SLC24A3: variants seen among roughly 807,000 people sequenced by gnomAD.
SLC24A3 encodes sodium/potassium/calcium exchanger 3.
Under a neutral mutation model 75.8 loss-of-function variants are expected in SLC24A3, and 28 were observed. The ratio of observed to expected loss-of-function variants is 0.37; its 90% CI spans 0.27 to 0.51. The LOEUF (loss-of-function observed/expected upper bound fraction) is 0.51. Ranked by LOEUF, SLC24A3 falls within the 20% of genes least tolerant of loss-of-function variation. The probability of loss-of-function intolerance (pLI) is 0.94; values close to 1 mark genes in which losing one functional copy is unlikely to be tolerated. For missense variants in SLC24A3, 663 were observed against 847.8 expected, an observed-to-expected ratio of 0.78 and a Z score of 2.71; for synonymous variants, 372 against 334.1, an observed-to-expected ratio of 1.11 and a Z score of -1.24.
chr20:19,507,921 C>G (rs1279903033), intron 2 of SLC24A3, among the ~76,000 whole-genome samples: 1 of 152,176 alleles, frequency 6.6e-6, no homozygotes, highest in Non-Finnish European at 1.5e-5. Flanking sequence ...GTATCCCAGC[C>G]TGGTGGGTGC....
At chr20:19,298,350 T>A (rs142026656) in intron 2 of SLC24A3, among the ~76,000 whole-genome samples, 66 of 152,354 alleles carry the variant, frequency 4.3e-4, no homozygotes, top group African/African-American at 1.3e-3. Flanking sequence ...GATTCTTTTT[T>A]ATGTGTTGGT....
At chr20:19,500,024 A>G (rs1988362031) in intron 2 of SLC24A3, among the ~76,000 whole-genome samples, 1 of 152,140 alleles carries the variant, frequency 6.6e-6, no homozygotes, top group South Asian at 2.1e-4. Context: ...GAAGAACGAC[A>G]TGGTGGATGT....
At chr20:19,576,360 T>C (rs1413774939) in intron 3 of SLC24A3, among the ~76,000 whole-genome samples, 15 of 152,218 alleles carry the variant, frequency 9.9e-5, no homozygotes, top group Admixed American at 4.6e-4. Context: ...AATTTGACTT[T>C]GAACCTTTGT....
In SLC24A3 at chr20:19,621,699, T is replaced by C. The variant is rs542859169; in HGVS notation, c.613-32363T>C. ...GGATGGGGCCTGAGATTCTGCATGG[T>C]TCCAGGTATGGCAGCTCCTGGGTTC... On this transcript the variant is annotated intron_variant, in intron 6 of 16. Coordinates refer to ENST00000328041, the MANE Select transcript of SLC24A3 (RefSeq NM_020689.4). Among the ~76,000 whole-genome samples, 9 of 152,320 alleles carry C rather than the reference T, an allele frequency of 5.9e-5. No homozygotes were observed. In the South Asian group the frequency reaches 1.9e-3, roughly 32 times the overall value.
At chr20:19,265,329 A>T (rs1258784576) in intron 1 of SLC24A3, among the ~76,000 whole-genome samples, 1 of 152,190 alleles carries the variant, frequency 6.6e-6, no homozygotes, top group African/African-American at 2.4e-5. Flanking sequence ...TTAGAGCTTT[A>T]TTACTGTGAT....
At chr20:19,252,717 C>CT (rs1253980736) in intron 1 of SLC24A3, among the ~76,000 whole-genome samples, 3 of 150,310 alleles carry the variant, frequency 2.0e-5, no homozygotes, top group Non-Finnish European at 4.4e-5. Flanking sequence ...TTGTATGTGA[C>CT]TTTGTCTCAC....
rs149363088 is a variant in SLC24A3, at chr20:19,471,224, C to T, written c.272-44264C>T. Among the ~76,000 whole-genome samples the T allele has an allele frequency of 2.0e-3, 305 of 152,250 alleles. 1 individual carries two copies. The highest frequency in any genetic ancestry group is 6.9e-3 in the African/African-American group (288 of 41,522). Reference sequence around the variant, plus strand: ...GTGGAAAGGCCCCTTCAGTGTTTGGCGTTGCTGTGCACCTCTCGTCCATGA... The same window carrying T: ...GTGGAAAGGCCCCTTCAGTGTTTGGTGTTGCTGTGCACCTCTCGTCCATGA... On this transcript the variant is annotated intron_variant, in intron 2 of 16. Coordinates refer to ENST00000328041, the MANE Select transcript of SLC24A3 (RefSeq NM_020689.4).
At chr20:19,525,047 C>A (rs2030173380) in intron 3 of SLC24A3, among the ~76,000 whole-genome samples, 1 of 152,202 alleles carries the variant, frequency 6.6e-6, no homozygotes, top group Admixed American at 6.5e-5. Context: ...ACAAGACCTG[C>A]TGCTTATCAT....
chr20:19,666,509 C>T (rs1205812773), intron 8 of SLC24A3, among the ~76,000 whole-genome samples: 3 of 151,546 alleles, frequency 2.0e-5, no homozygotes, highest in Non-Finnish European at 4.4e-5. Flanking sequence ...CCATCCCCCA[C>T]CCCCCAAAAA....
At chr20:19,388,317 C>G (rs1986306448) in intron 2 of SLC24A3, among the ~76,000 whole-genome samples, 1 of 152,138 alleles carries the variant, frequency 6.6e-6, no homozygotes, top group South Asian at 2.1e-4. Flanking sequence ...GCTGTATCTT[C>G]TTCATGTCTT....
intron 2 of SLC24A3, among the ~76,000 whole-genome samples, chr20:19,475,415 A>G (rs986120723): frequency 6.6e-6 from 1 of 152,142 alleles, no homozygotes; most frequent in Admixed American, 6.5e-5. Context: ...TAAAGGGCCC[A>G]ATGGATGGCT....
chr20:19,659,605 C>T (rs964067054), intron 7 of SLC24A3, among the ~76,000 whole-genome samples: 3 of 152,212 alleles, frequency 2.0e-5, no homozygotes, highest in South Asian at 2.1e-4. Flanking sequence ...CGTGACTATG[C>T]AAGCAAGCTA....
intron 15 of SLC24A3, among the ~76,000 whole-genome samples, chr20:19,701,377 G>A (rs1247405793): frequency 2.0e-5 from 3 of 151,864 alleles, no homozygotes; most frequent in African/African-American, 7.3e-5. Context: ...CATTAATTCA[G>A]CATTTATTTT....
chr20:19,396,521 T>C (rs750515919), intron 2 of SLC24A3, among the ~76,000 whole-genome samples: 35 of 152,242 alleles, frequency 2.3e-4, no homozygotes, highest in Non-Finnish European at 4.4e-4. Flanking sequence ...TGTTCACATT[T>C]TGAATGCTCA....
intron 3 of SLC24A3, among the ~76,000 whole-genome samples, chr20:19,532,738 C>T (rs983520535): frequency 1.3e-5 from 2 of 152,212 alleles, no homozygotes; most frequent in Admixed American, 6.5e-5. Flanking sequence ...TTATTCCACC[C>T]TGGCAACCCT....
chr20:19,440,773 G>A (rs1987284497), intron 2 of SLC24A3, among the ~76,000 whole-genome samples: 1 of 151,776 alleles, frequency 6.6e-6, no homozygotes, highest in Non-Finnish European at 1.5e-5. Flanking sequence ...AGAACGATGA[G>A]AGTGTCCAGG....
intron 2 of SLC24A3, among the ~76,000 whole-genome samples, chr20:19,353,621 C>T (rs1985619280): frequency 6.6e-6 from 1 of 152,174 alleles, no homozygotes; most frequent in Non-Finnish European, 1.5e-5. Context: ...AGCTTGAACA[C>T]AAGGAGGCTG....
chr20:19,378,289 TAA>T (rs921230331), intron 2 of SLC24A3, among the ~76,000 whole-genome samples: 1,864 of 148,294 alleles, frequency 0.013, 29 homozygotes, highest in African/African-American at 0.044. Context: ...GAGGTTTTTT[TAA>T]AAAAAAAAAA....
chr20:19,319,799 G>T (rs1984666443), intron 2 of SLC24A3, among the ~76,000 whole-genome samples: 1 of 152,174 alleles, frequency 6.6e-6, no homozygotes, highest in Non-Finnish European at 1.5e-5. Flanking sequence ...CTGGTACAGA[G>T]CATCTTGGTA....
Sources: allele counts gnomAD v4.1 joint callset (sites outside exome capture counted in the v4.1 genomes callset), GRCh38; gene constraint gnomAD v4.1.1; transcripts MANE v1.5; gene names NCBI Gene and HGNC (gene_info 2026-07-23, HGNC 2026-07-21).